Variants in RAP1A observed in about 807,000 individuals in gnomAD.
RAP1A encodes ras-related protein Rap-1A.
In RAP1A, 6 loss-of-function variants were observed where a neutral mutation model predicts 26.4. The observed-to-expected ratio is 0.23, with a 90% confidence interval of 0.12 to 0.45. RAP1A has a LOEUF of 0.45. Among genes scored for constraint, RAP1A ranks in the 20% least tolerant of loss-of-function variants. The pLI, the probability that RAP1A is intolerant of heterozygous loss-of-function variation, is 0.99. For synonymous variants in RAP1A, 73 were observed against 79.4 expected (o/e 0.92, Z 0.43); for missense variants, 121 against 217.2 (o/e 0.56, Z 2.78).
intron 1 of RAP1A, among the ~76,000 whole-genome samples, chr1:111,671,354 C>G (rs1660968674): frequency 6.6e-6 from 1 of 152,170 alleles, no homozygotes; most frequent in Admixed American, 6.5e-5. Context: ...ATGAAAGTTG[C>G]TGTATTTCAG....
chr1:111,655,681 T>C (rs1378831729), intron 1 of RAP1A, among the ~76,000 whole-genome samples: 1 of 133,372 alleles, frequency 7.5e-6, no homozygotes, highest in African/African-American at 2.7e-5. Flanking sequence ...TTTTTTTTTT[T>C]TTTTAAGACG....
At chr1:111,553,946 A>T (rs1157765933) in intron 1 of RAP1A, among the ~76,000 whole-genome samples, 1 of 152,252 alleles carries the variant, frequency 6.6e-6, no homozygotes, top group Non-Finnish European at 1.5e-5. Flanking sequence ...TAGTGGTTCC[A>T]TATGGGCATG....
At chr1:111,694,468 G>C (rs1367454826) in intron 2 of RAP1A, among the ~76,000 whole-genome samples, 1 of 152,112 alleles carries the variant, frequency 6.6e-6, no homozygotes. Flanking sequence ...ACCAGACCCT[G>C]TTTTAAAGTT....
In RAP1A at chr1:111,710,053, T is replaced by TA. The variant is rs1354825734; in HGVS notation, c.*29+790dup. Among the ~76,000 whole-genome samples, 3 of 152,210 alleles carry TA rather than the reference T, an allele frequency of 2.0e-5. 1 individual carries two copies. Among genetic ancestry groups the TA allele is most frequent in the African/African-American group, 7.2e-5 (3 of 41,454 alleles). On this transcript the variant is annotated intron_variant, in intron 7 of 7. Coordinates refer to ENST00000369709, the MANE Select transcript of RAP1A (RefSeq NM_002884.4). ...TATACATATGGACAGCTTTAGTAGA[T>TA]ACTGCTAAAAAGTTTTTCAAAGTGG...
At chr1:111,620,502 G>A (rs1659163059) in intron 1 of RAP1A, among the ~76,000 whole-genome samples, 2 of 152,232 alleles carry the variant, frequency 1.3e-5, no homozygotes, top group South Asian at 4.1e-4. Context: ...GTCCTCTGCT[G>A]TAGGAGTGCG....
intron 1 of RAP1A, among the ~76,000 whole-genome samples, chr1:111,568,392 C>T (rs987795347): frequency 2.0e-5 from 3 of 152,082 alleles, no homozygotes; most frequent in Non-Finnish European, 4.4e-5. Flanking sequence ...GGGAGGAGGG[C>T]AGGCTCTTTT....
intron 1 of RAP1A, among the ~76,000 whole-genome samples, chr1:111,583,882 T>C (rs1658312499): frequency 1.4e-5 from 2 of 143,806 alleles, no homozygotes; most frequent in Non-Finnish European, 3.0e-5. Flanking sequence ...ATTTCTTTTT[T>C]TTTTTTTTTT....
intron 1 of RAP1A, among the ~76,000 whole-genome samples, chr1:111,547,402 C>G (rs921538048): frequency 2.0e-5 from 3 of 151,824 alleles, no homozygotes; most frequent in African/African-American, 7.3e-5. Flanking sequence ...TTTTATATAT[C>G]AAATCAATCT....
chr1:111,684,438 C>G (rs889035861), intron 1 of RAP1A, among the ~76,000 whole-genome samples: 1 of 152,214 alleles, frequency 6.6e-6, no homozygotes, highest in African/African-American at 2.4e-5. Flanking sequence ...TAAGCAACTT[C>G]AGCGAAGTCT....
chr1:111,565,596 G>A (rs1372894724), intron 1 of RAP1A, among the ~76,000 whole-genome samples: 2 of 152,220 alleles, frequency 1.3e-5, no homozygotes, highest in Non-Finnish European at 2.9e-5. Context: ...GATGTGAAAT[G>A]TGACTAGTAT....
chr1:111,632,948 A>ACTG (rs1291983526), intron 1 of RAP1A, among the ~76,000 whole-genome samples: 1 of 146,044 alleles, frequency 6.8e-6, no homozygotes, highest in East Asian at 2.1e-4. Context: ...AAAAAAAGAT[A>ACTG]CTGCAGCCTG....
chr1:111,635,633 T>C (rs1659704966), intron 1 of RAP1A, among the ~76,000 whole-genome samples: 1 of 152,180 alleles, frequency 6.6e-6, no homozygotes, highest in Non-Finnish European at 1.5e-5. Flanking sequence ...GGCTGCAATC[T>C]CTGCTCACTG....
intron 1 of RAP1A, among the ~76,000 whole-genome samples, chr1:111,578,817 A>G (rs1035654859): frequency 5.9e-5 from 9 of 152,164 alleles, no homozygotes; most frequent in Admixed American, 3.3e-4. Flanking sequence ...TCAGAGGCCA[A>G]TTGCAAGTCT....
intron 1 of RAP1A, among the ~76,000 whole-genome samples, chr1:111,661,607 T>A (rs1660638404): frequency 6.6e-6 from 1 of 151,964 alleles, no homozygotes; most frequent in Admixed American, 6.6e-5. Context: ...GAGACCAGCC[T>A]GACCAACATG....
intron 1 of RAP1A, among the ~76,000 whole-genome samples, chr1:111,579,055 G>A (rs1470346746): frequency 1.3e-5 from 2 of 152,198 alleles, no homozygotes; most frequent in African/African-American, 2.4e-5. Flanking sequence ...GAGCTTCCAC[G>A]CCGTGTCTAG....
rs1436211536 is a variant in RAP1A at position 111,712,478 on chromosome 1, C to T, written c.*77C>T. 1 of 152,386 alleles carries T rather than the reference C, an allele frequency of 6.6e-6. No homozygotes were observed. Among genetic ancestry groups the T allele is most frequent in the Non-Finnish European group, 1.5e-5 (1 of 67,920 alleles). The allele number at this position is 152,386 out of a possible 1,614,324, so 9.4% of individuals were successfully genotyped here. On this transcript the variant is annotated 3_prime_UTR_variant, in exon 8 of 8. Coordinates refer to ENST00000369709, the MANE Select transcript of RAP1A (RefSeq NM_002884.4). ...GCCTAATTGGAAAGTGCCAGCATTC[C>T]AGACTTCAAAAATAAAAAATCTGAA... is the stretch of plus-strand genomic sequence containing the variant.
At chr1:111,688,662 C>T (rs1204724724) in intron 1 of RAP1A, among the ~76,000 whole-genome samples, 1 of 151,726 alleles carries the variant, frequency 6.6e-6, no homozygotes, top group Admixed American at 6.6e-5. Flanking sequence ...AAATTTTTTC[C>T]CTCTGGCTTC....
chr1:111,611,933 C>G (rs1257514864), intron 1 of RAP1A, among the ~76,000 whole-genome samples: 1 of 151,880 alleles, frequency 6.6e-6, no homozygotes, highest in African/African-American at 2.4e-5. Flanking sequence ...TCTAGCAACC[C>G]TAACCACACT....
chr1:111,648,938 C>A, intron 1 of RAP1A: 2 of 704,238 alleles, frequency 2.8e-6, no homozygotes, highest in Non-Finnish European at 5.3e-6. Flanking sequence ...TATGGTTCTT[C>A]TTCATGAAGA....
Sources: allele counts gnomAD v4.1 joint callset (sites outside exome capture counted in the v4.1 genomes callset), GRCh38; gene constraint gnomAD v4.1.1; transcripts MANE v1.5; gene names NCBI Gene and HGNC (gene_info 2026-07-23, HGNC 2026-07-21).